The following NOS1AP variants were observed in gnomAD, a reference collection of about 807,000 sequenced individuals.
The protein encoded by NOS1AP is nitric oxide synthase 1 adaptor protein, also known as carboxyl-terminal PDZ ligand of neuronal nitric oxide synthase protein.
A neutral mutation model predicts 56.2 loss-of-function variants in NOS1AP; 21 were observed. The ratio of observed to expected loss-of-function variants is 0.37; its 90% CI spans 0.26 to 0.54. NOS1AP has a LOEUF of 0.54. Ranked by LOEUF, NOS1AP falls within the 20% of genes least tolerant of loss-of-function variation. NOS1AP has a pLI of 0.84. For missense variants in NOS1AP, 522 were observed against 657.8 expected, an observed-to-expected ratio of 0.79 and a Z score of 2.26; for synonymous variants, 270 against 274.6, an observed-to-expected ratio of 0.98 and a Z score of 0.17.
At chr1:162,130,928 T>C (rs1429086124) in intron 1 of NOS1AP, among the ~76,000 whole-genome samples, 1 of 152,240 alleles carries the variant, frequency 6.6e-6, no homozygotes, top group East Asian at 1.9e-4. Flanking sequence ...TCTACAAATT[T>C]AATTCCCTTC....
intron 2 of NOS1AP, among the ~76,000 whole-genome samples, chr1:162,248,652 C>A (rs925308368): frequency 1.3e-5 from 2 of 152,142 alleles, no homozygotes; most frequent in Non-Finnish European, 2.9e-5. Flanking sequence ...ATGAGCCTCA[C>A]AACTGAATGT....
At chr1:162,173,155 A>G (rs541445423) in intron 2 of NOS1AP, among the ~76,000 whole-genome samples, 1 of 152,298 alleles carries the variant, frequency 6.6e-6, no homozygotes, top group Admixed American at 6.5e-5. Flanking sequence ...TAATGGCAAA[A>G]AGCGCAATTA....
chr1:162,325,631 A>T (rs1656565162), intron 4 of NOS1AP, among the ~76,000 whole-genome samples: 1 of 152,068 alleles, frequency 6.6e-6, no homozygotes, highest in African/African-American at 2.4e-5. Flanking sequence ...ATGCCTTCAC[A>T]GTTAGGCCTC....
intron 1 of NOS1AP, among the ~76,000 whole-genome samples, chr1:162,071,318 G>A (rs569123046): frequency 9.6e-4 from 146 of 152,266 alleles, no homozygotes; most frequent in Non-Finnish European, 1.7e-3. Flanking sequence ...TTGACTCTTT[G>A]TTCTCTTTCT....
chr1:162,094,465 A>G (rs1385778282), intron 1 of NOS1AP, among the ~76,000 whole-genome samples: 3 of 152,118 alleles, frequency 2.0e-5, no homozygotes, highest in South Asian at 2.1e-4. Context: ...AAACCCGTAA[A>G]ACAGAATTAG....
At chr1:162,109,109 C>T (rs1571017616) in intron 1 of NOS1AP, among the ~76,000 whole-genome samples, 4 of 152,282 alleles carry the variant, frequency 2.6e-5, no homozygotes, top group Admixed American at 2.6e-4. Context: ...TATTCACTAC[C>T]ATGAGAACAG....
intron 2 of NOS1AP, among the ~76,000 whole-genome samples, chr1:162,210,154 G>A (rs1409674861): frequency 2.0e-5 from 3 of 152,178 alleles, no homozygotes; most frequent in Non-Finnish European, 4.4e-5. Context: ...AGGCTCTGAG[G>A]GGGAGAGAGT....
chr1:162,363,510 T>C (rs879381865), intron 8 of NOS1AP: 2 of 152,802 alleles, frequency 1.3e-5, no homozygotes, highest in Admixed American at 6.5e-5. Context: ...GATTACATCA[T>C]TGGCCACTGG....
At chr1:162,234,539 C>G (rs1471469822) in intron 2 of NOS1AP, among the ~76,000 whole-genome samples, 1 of 152,168 alleles carries the variant, frequency 6.6e-6, no homozygotes, top group Non-Finnish European at 1.5e-5. Flanking sequence ...CCCAGGGTCT[C>G]TAACTTCTGA....
intron 1 of NOS1AP, among the ~76,000 whole-genome samples, chr1:162,145,263 T>TG (rs1649413140): frequency 1.6e-4 from 4 of 25,640 alleles, no homozygotes; most frequent in Non-Finnish European, 2.2e-4. Flanking sequence ...GAGGGGTGGG[T>TG]GGGGGGGTTG....
intron 2 of NOS1AP, among the ~76,000 whole-genome samples, chr1:162,251,610 G>GTGTC (rs1653851252): frequency 6.6e-6 from 1 of 151,146 alleles, no homozygotes; most frequent in South Asian, 2.1e-4. Flanking sequence ...ATATGTGTGT[G>GTGTC]TGTGTGTGTG....
intron 6 of NOS1AP, among the ~76,000 whole-genome samples, chr1:162,349,597 G>A (rs1377463301): frequency 6.6e-6 from 1 of 152,212 alleles, no homozygotes; most frequent in Non-Finnish European, 1.5e-5. Flanking sequence ...TATTGTGAGA[G>A]AATGTATGTA....
intron 2 of NOS1AP, among the ~76,000 whole-genome samples, chr1:162,220,857 G>C (rs1652744964): frequency 6.6e-6 from 1 of 152,142 alleles, no homozygotes; most frequent in African/African-American, 2.4e-5. Context: ...ATATAAATAT[G>C]TTCATTAGAT....
At chr1:162,282,670 C>G (rs751257860) in intron 2 of NOS1AP, among the ~76,000 whole-genome samples, 3 of 152,152 alleles carry the variant, frequency 2.0e-5, no homozygotes, top group African/African-American at 7.2e-5. Flanking sequence ...CTCCTGAAAC[C>G]GAGACTATAG....
rs1654453899 is a variant in NOS1AP, at chr1:162,267,298, T to C, written c.178-20046T>C. ...TCACTAAAATTGGTGTGGAGAATTA[T>C]ACTAGAGTTTTCCCAAAGGGCCCCA... is the stretch of plus-strand genomic sequence containing the variant. On this transcript the variant is annotated intron_variant, in intron 2 of 9. Transcript: ENST00000361897. Among the ~76,000 whole-genome samples, 3 of 152,170 alleles carry C rather than the reference T, an allele frequency of 2.0e-5. No individual in the cohort carries two copies. The South Asian group carries it at 6.2e-4, about 32-fold the overall frequency.
At chr1:162,267,250 C>T (rs1343893862) in intron 2 of NOS1AP, among the ~76,000 whole-genome samples, 1 of 152,110 alleles carries the variant, frequency 6.6e-6, no homozygotes, top group Non-Finnish European at 1.5e-5. Flanking sequence ...TGAAAAAAGT[C>T]TGCTTCTGTC....
intron 2 of NOS1AP, among the ~76,000 whole-genome samples, chr1:162,171,074 A>T (rs139670908): frequency 6.6e-6 from 1 of 152,276 alleles, no homozygotes; most frequent in Non-Finnish European, 1.5e-5. Context: ...GGATGCCAAC[A>T]TGCTGGGGAA....
At chr1:162,253,104 G>A (rs1653919519) in intron 2 of NOS1AP, among the ~76,000 whole-genome samples, 1 of 152,196 alleles carries the variant, frequency 6.6e-6, no homozygotes, top group African/African-American at 2.4e-5. Flanking sequence ...AGGTGAAAAG[G>A]GCTTTGCCCT....
intron 4 of NOS1AP, among the ~76,000 whole-genome samples, chr1:162,316,100 G>C (rs1656219734): frequency 6.6e-6 from 1 of 152,134 alleles, no homozygotes; most frequent in African/African-American, 2.4e-5. Flanking sequence ...GGACTGAGTG[G>C]ATGAATGAAT....
Sources: gnomAD v4.1 joint callset for allele counts (sites outside exome capture counted in the v4.1 genomes callset) on GRCh38, gnomAD v4.1.1 for gene constraint, MANE v1.5 for transcripts, NCBI Gene and HGNC (gene_info 2026-07-23, HGNC 2026-07-21) for gene names.